The following TTLL3 variants were observed in gnomAD, a reference collection of about 807,000 sequenced individuals.
TTLL3 encodes tubulin tyrosine ligase like 3.
A neutral mutation model predicts 75.2 loss-of-function variants in TTLL3; 63 were observed. The observed-to-expected ratio is 0.84, with a 90% CI of 0.68 to 1.03. The LOEUF is 1.03. TTLL3 is among the 50% of genes least tolerant of loss of function. TTLL3 has a pLI of 0.00. For missense variants in TTLL3, 997 were observed against 1,069.9 expected (o/e 0.93, Z 0.95); for synonymous variants, 393 against 418.5 (o/e 0.94, Z 0.74).
rs775091457 is a variant in TTLL3 at position 9,833,101 on chromosome 3, C to G, written c.1684-3C>G. On this transcript the variant is annotated splice_polypyrimidine_tract_variant and splice_region_variant and intron_variant, in intron 11 of 13. Transcript: ENST00000685419. ...GGGCCTTGTCTCCTCTTCTTGCCCA[C>G]AGCCTGCTGTGGAGGTGCCTCAATA... 39 of 1,613,980 alleles carry G rather than the reference C, an allele frequency of 2.4e-5. No individual in the cohort carries two copies. The highest frequency in any genetic ancestry group is 3.1e-5 in the Non-Finnish European group (37 of 1,179,942).
At chr3:9,824,159 A>G (rs2080791057) in intron 8 of TTLL3, among the ~76,000 whole-genome samples, 1 of 152,236 alleles carries the variant, frequency 6.6e-6, no homozygotes, top group African/African-American at 2.4e-5. Flanking sequence ...CAATAACCAA[A>G]TAAGCACATG....
At position 9,827,146 on chromosome 3, in the gene TTLL3, C is replaced by G; in HGVS notation, c.1153C>G (p.Leu385Val). The G allele has an allele frequency of 3.1e-6, 5 of 1,614,258 alleles. No individual in the cohort carries two copies. The highest frequency in any genetic ancestry group is 3.4e-6 in the Non-Finnish European group (4 of 1,180,048). Reference protein sequence around the residue: ...GTKFDLRQWFLVTDWNPLTVW... With the variant: ...GTKFDLRQWFVVTDWNPLTVW... ...CAAGTTTGACCTCAGACAGTGGTTC[C>G]TGGTAACTGACTGGAACCCACTTAC... The change falls in exon 10 of 14, where the codon CTG becomes GTG. Residue 385 changes from leucine to valine, a missense_variant. Coordinates refer to ENST00000685419, the MANE Select transcript of TTLL3 (RefSeq NM_001387446.1).
intron 12 of TTLL3, 85 bp downstream of exon 12, chr3:9,833,330 T>A: frequency 6.4e-7 from 1 of 1,570,740 alleles, no homozygotes; most frequent in Non-Finnish European, 8.6e-7. Context: ...GAGAAGCCAG[T>A]CTCCACTGCC....
intron 6 of TTLL3, 102 bp from the exon 7 acceptor site, chr3:9,818,720 C>T: frequency 6.3e-7 from 1 of 1,591,294 alleles, no homozygotes; most frequent in Non-Finnish European, 8.5e-7. Context: ...AAGGTAGAGT[C>T]AGGTTCTGGA....
Position 9,810,299 on chromosome 3 carries a change from A to G in TTLL3, c.-137A>G. On this transcript the variant is annotated 5_prime_UTR_variant, in exon 1 of 14. Coordinates refer to ENST00000685419, the MANE Select transcript of TTLL3 (RefSeq NM_001387446.1). The surrounding 1 kb of genome is among the most constrained non-coding windows in gnomAD (Gnocchi z 4.4). ...GCGCGCCGCCTCAGCGGCGCCTTCA[A>G]GACGCTGGTCCCAGGCACCCACGCC... is the stretch of plus-strand genomic sequence containing the variant. The G allele has an allele frequency of 6.7e-7, 1 of 1,495,792 alleles. No individual in the cohort carries two copies. Among genetic ancestry groups the G allele is most frequent in the Non-Finnish European group, 8.8e-7 (1 of 1,133,134 alleles). The allele number at this position is 1,495,792 out of a possible 1,614,324, so 92.7% of individuals were successfully genotyped here. A position where few individuals can be genotyped will look rare whatever the true frequency, so the allele number is the denominator to read the frequency against.
At chr3:9,829,730 T>TG (rs2081351455) in intron 11 of TTLL3, among the ~76,000 whole-genome samples, 1 of 152,212 alleles carries the variant, frequency 6.6e-6, no homozygotes, top group South Asian at 2.1e-4. Flanking sequence ...TATGTGACTT[T>TG]GGACAAGTTC....
chr3:9,818,292 C>A (rs1039030409), intron 6 of TTLL3: 1 of 168,000 alleles, frequency 6.0e-6, no homozygotes, highest in African/African-American at 2.4e-5. Context: ...ACAATGGGTC[C>A]AAGCCAGATT....
intron 2 of TTLL3, among the ~76,000 whole-genome samples, chr3:9,812,225 T>C (rs1368945769): frequency 6.6e-6 from 1 of 151,842 alleles, no homozygotes; most frequent in Non-Finnish European, 1.5e-5. Flanking sequence ...AATATAAAAA[T>C]TATTTGGGCA....
intron 9 of TTLL3, among the ~76,000 whole-genome samples, chr3:9,826,450 T>C (rs1429800125): frequency 6.6e-6 from 1 of 152,064 alleles, no homozygotes; most frequent in South Asian, 2.1e-4. Context: ...CCCCCAACAC[T>C]GGCCAGGTAC....
chr3:9,823,872 TG>T (rs2080761562), intron 8 of TTLL3, among the ~76,000 whole-genome samples: 2 of 152,236 alleles, frequency 1.3e-5, no homozygotes, highest in African/African-American at 4.8e-5. Context: ...GGCAGCCATC[TG>T]GGGTATTTTG....
intron 8 of TTLL3, among the ~76,000 whole-genome samples, chr3:9,824,156 C>T (rs1189544591): frequency 1.3e-5 from 2 of 152,108 alleles, no homozygotes; most frequent in Non-Finnish European, 2.9e-5. Context: ...AGACAATAAC[C>T]AAATAAGCAC....
chr3:9,819,042 T>G, intron 7 of TTLL3, 122 bp downstream of exon 7: 1 of 1,295,538 alleles, frequency 7.7e-7, no homozygotes, highest in Non-Finnish European at 1.1e-6. Flanking sequence ...CACACATCTG[T>G]GTATGATTCA....
At chr3:9,826,258 C>T (rs958428713) in intron 9 of TTLL3, among the ~76,000 whole-genome samples, 1 of 152,178 alleles carries the variant, frequency 6.6e-6, no homozygotes, top group Admixed American at 6.5e-5. Context: ...AACGGAGGCA[C>T]GTGTAGGCTT....
rs2079473243 is a variant in TTLL3, at chr3:9,812,778, A to G, written c.49-165A>G. 3 of 760,508 alleles carry G rather than the reference A, an allele frequency of 3.9e-6. No individual in the cohort carries two copies. The East Asian group carries it at 9.5e-5, about 24-fold the overall frequency. 47.1% of individuals were successfully genotyped at this position (760,508 alleles called of 1,614,324 possible). A position where few individuals can be genotyped will look rare whatever the true frequency, so the allele number is the denominator to read the frequency against. On this transcript the variant is annotated intron_variant, in intron 2 of 13. Transcript: ENST00000685419. ...AGCCATTGCTATTATCATTATTACCATGCATATTTATTTCTCTACTTATTT... is the reference window on the plus strand; with the variant it reads ...AGCCATTGCTATTATCATTATTACCGTGCATATTTATTTCTCTACTTATTT...
rs933227117 is a variant in TTLL3, at chr3:9,810,539, A to G, written c.-41-82A>G. ...CAGGAGGAAGAAAAGAGGCGTGGCTATGGGCGGCCAGAAAAGATCCTAGGC... is the reference window on the plus strand; with the variant it reads ...CAGGAGGAAGAAAAGAGGCGTGGCTGTGGGCGGCCAGAAAAGATCCTAGGC... On this transcript the variant is annotated intron_variant, in intron 1 of 13. Coordinates refer to ENST00000685419, the MANE Select transcript of TTLL3 (RefSeq NM_001387446.1). The surrounding 1 kb of genome is among the most constrained non-coding windows in gnomAD (Gnocchi z 4.4). 3 of 1,485,028 alleles carry G rather than the reference A, an allele frequency of 2.0e-6. No individual in the cohort carries two copies. Among genetic ancestry groups the G allele is most frequent in the South Asian group, 2.7e-5 (2 of 74,996 alleles). The allele number at this position is 1,485,028 out of a possible 1,614,324, so 92.0% of individuals were successfully genotyped here. A position where few individuals can be genotyped will look rare whatever the true frequency, so the allele number is the denominator to read the frequency against.
chr3:9,829,795 G>C (rs1048637001), intron 11 of TTLL3, among the ~76,000 whole-genome samples: 1 of 152,168 alleles, frequency 6.6e-6, no homozygotes, highest in Admixed American at 6.5e-5. Flanking sequence ...AACTCACAAA[G>C]TTAGGTACTA....
Position 9,826,981 on chromosome 3 carries a change from C to T in TTLL3, c.1004-16C>T. The T allele has an allele frequency of 6.2e-7, 1 of 1,614,018 alleles. No individual in the cohort carries two copies. The highest frequency in any genetic ancestry group is 8.5e-7 in the Non-Finnish European group (1 of 1,179,916). ...CGCCTGACCTTCCAATCCCTGACTG[C>T]CCTCTTCCCCCGTAGGCATCATGTG... On this transcript the variant is annotated splice_polypyrimidine_tract_variant and intron_variant, in intron 9 of 13. Transcript: ENST00000685419.
chr3:9,820,681 C>T lies in TTLL3; in HGVS notation c.794C>T (p.Pro265Leu), dbSNP rs769972063. The part of the protein sequence containing the change: ...HMDIDKDLEA[P>L]LYLTPEGWSL... ...GACATCGACAAGGACCTGGAGGCCC[C>T]GCTGTACCTCACCCCCGAGGGCTGG... The change falls in exon 8 of 14, where the codon CCG (proline) becomes CTG (leucine). Residue 265 changes from proline (P) to leucine (L), a missense_variant. Transcript: ENST00000685419. The T allele has an allele frequency of 1.4e-5, 23 of 1,614,016 alleles. No homozygotes were observed. Among genetic ancestry groups the T allele is most frequent in the Middle Eastern group, 1.6e-4 (1 of 6,084 alleles).
intron 7 of TTLL3, 31 bp downstream of exon 7, chr3:9,818,951 C>T: frequency 6.2e-7 from 1 of 1,613,752 alleles, no homozygotes; most frequent in Non-Finnish European, 8.5e-7. Flanking sequence ...CACTCTCCCA[C>T]CCATTTATCC....
Sources: allele counts gnomAD v4.1 joint callset (sites outside exome capture counted in the v4.1 genomes callset), GRCh38; gene constraint gnomAD v4.1.1; non-coding constraint Gnocchi (gnomAD v3.1); transcripts MANE v1.5; gene names NCBI Gene and HGNC (gene_info 2026-07-23, HGNC 2026-07-21).